NIBAN1: variants seen among roughly 807,000 people sequenced by gnomAD.
NIBAN1 encodes the protein protein Niban 1.
A neutral mutation model predicts 75.1 loss-of-function variants in NIBAN1; 81 were observed. The ratio of observed to expected loss-of-function variants is 1.08; its 90% CI spans 0.90 to 1.30. The LOEUF (loss-of-function observed/expected upper bound fraction) is 1.30, where lower values mean the gene tolerates loss of function less well. NIBAN1 is among the 50% of genes most tolerant of loss of function. The pLI, the probability that NIBAN1 is intolerant of heterozygous loss-of-function variation, is 0.00. For synonymous variants in NIBAN1, 436 were observed against 424.8 expected (o/e 1.03, Z -0.32); for missense variants, 1,133 against 1,128.1 (o/e 1.00, Z -0.06).
intron 1 of NIBAN1, among the ~76,000 whole-genome samples, chr1:184,968,481 C>T (rs1309611807): frequency 6.6e-6 from 1 of 152,138 alleles, no homozygotes; most frequent in Non-Finnish European, 1.5e-5. Flanking sequence ...TGCATTTGTG[C>T]ACTATTCATA....
chr1:184,869,644 C>T (rs1239102479), intron 5 of NIBAN1, among the ~76,000 whole-genome samples: 3 of 151,818 alleles, frequency 2.0e-5, no homozygotes, highest in South Asian at 2.1e-4. Flanking sequence ...CATGTTCAAG[C>T]GATTCTCCTG....
intron 1 of NIBAN1, among the ~76,000 whole-genome samples, chr1:184,950,651 A>G (rs1469604789): frequency 6.6e-6 from 1 of 152,204 alleles, no homozygotes; most frequent in Non-Finnish European, 1.5e-5. Flanking sequence ...GAAAAACTTC[A>G]CTTGCTCAGT....
intron 1 of NIBAN1, among the ~76,000 whole-genome samples, chr1:184,899,807 C>CTTTTT (rs66802117): frequency 1.5e-4 from 15 of 100,346 alleles, no homozygotes; most frequent in East Asian, 6.3e-4. Flanking sequence ...ACATCACTCT[C>CTTTTT]TTTTTTTTTT....
intron 2 of NIBAN1, among the ~76,000 whole-genome samples, chr1:184,896,736 G>A (rs1656810709): frequency 6.6e-6 from 1 of 151,968 alleles, no homozygotes; most frequent in East Asian, 1.9e-4. Context: ...GAGAGATAGG[G>A]GTCCAGTTTC....
At chr1:184,947,674 G>A (rs1658264819) in intron 1 of NIBAN1, among the ~76,000 whole-genome samples, 1 of 152,212 alleles carries the variant, frequency 6.6e-6, no homozygotes, top group African/African-American at 2.4e-5. Flanking sequence ...AGGGGCCAGA[G>A]GCCAGAGAGA....
intron 6 of NIBAN1, among the ~76,000 whole-genome samples, chr1:184,824,582 A>G (rs1654794120): frequency 6.6e-6 from 1 of 152,218 alleles, no homozygotes; most frequent in African/African-American, 2.4e-5. Context: ...GAAAATGGAG[A>G]TGCCAGAACA....
In NIBAN1 at chr1:184,791,222, C is replaced by T. The variant is rs1279345834; in HGVS notation, c.*3755G>A. 5 of 328,246 alleles carry T rather than the reference C, an allele frequency of 1.5e-5. No individual in the cohort carries two copies. Among genetic ancestry groups the T allele is most frequent in the Non-Finnish European group, 3.0e-5 (5 of 166,258 alleles). 20.3% of individuals were successfully genotyped at this position (328,246 alleles called of 1,614,324 possible). A position where few individuals can be genotyped will look rare whatever the true frequency, so the allele number is the denominator to read the frequency against. ...GTCTCTTTATGGTAAAGTGTGAAGG[C>T]ACATGTTGCCAACTGTTGCACCGAC... On this transcript the variant is annotated 3_prime_UTR_variant, in exon 14 of 14. Transcript: ENST00000367511.
rs375874645 is a variant in NIBAN1, at chr1:184,881,101, GCA to G, written c.601+3530_601+3531del. 2.3e-3 allele frequency among the ~76,000 whole-genome samples: 331 copies of G among 146,602 alleles called. 1 individual carries two copies. Among genetic ancestry groups the G allele is most frequent in the South Asian group, 0.018 (85 of 4,630 alleles). On this transcript the variant is annotated intron_variant, in intron 5 of 13. Coordinates refer to ENST00000367511, the MANE Select transcript of NIBAN1 (RefSeq NM_052966.4). ...CCCATGAAAGTGCACATGTGAGCAT[GCA>G]CACACACACACACACACACACACAA...
chr1:184,804,327 G>C (rs747655728), intron 11 of NIBAN1, among the ~76,000 whole-genome samples: 2 of 152,160 alleles, frequency 1.3e-5, no homozygotes, highest in Non-Finnish European at 2.9e-5. Flanking sequence ...AAGAGATGAA[G>C]GTGTTTATAC....
chr1:184,949,080 C>T (rs999091322), intron 1 of NIBAN1, among the ~76,000 whole-genome samples: 3 of 152,004 alleles, frequency 2.0e-5, no homozygotes, highest in African/African-American at 7.3e-5. Flanking sequence ...GAGAGATTTT[C>T]TTTTCTTTGA....
chr1:184,852,259 A>G (rs1370401043), intron 5 of NIBAN1, among the ~76,000 whole-genome samples: 1 of 152,192 alleles, frequency 6.6e-6, no homozygotes, highest in East Asian at 1.9e-4. Context: ...GAAAATCCTT[A>G]CAGCCTGGAA....
intron 1 of NIBAN1, among the ~76,000 whole-genome samples, chr1:184,923,159 T>A (rs1657603585): frequency 6.6e-6 from 1 of 152,110 alleles, no homozygotes; most frequent in South Asian, 2.1e-4. Flanking sequence ...TCCTAGAGAG[T>A]TTCCCTAATG....
rs1345126088 is a variant in NIBAN1 at position 184,811,580 on chromosome 1, T to C, written c.1174-3345A>G. Among the ~76,000 whole-genome samples the C allele has an allele frequency of 5.3e-5, 8 of 150,582 alleles. 1 individual carries two copies. Among genetic ancestry groups the C allele is most frequent in the Admixed American group, 3.3e-4 (5 of 15,064 alleles). ...GAGTGCAGGCGCGATCTTGGCTCACTGAAAGTTCCACCTCCTGGGTTCATG... is the reference window on the plus strand; with the variant it reads ...GAGTGCAGGCGCGATCTTGGCTCACCGAAAGTTCCACCTCCTGGGTTCATG... On this transcript the variant is annotated intron_variant, in intron 9 of 13. Transcript: ENST00000367511.
chr1:184,876,556 C>T (rs1188872333), intron 5 of NIBAN1, among the ~76,000 whole-genome samples: 2 of 151,662 alleles, frequency 1.3e-5, no homozygotes, highest in African/African-American at 4.8e-5. Flanking sequence ...AAAAAATTAC[C>T]CAGGTGTGGT....
intron 5 of NIBAN1, among the ~76,000 whole-genome samples, chr1:184,840,222 A>G (rs2102249618): frequency 6.6e-6 from 1 of 152,366 alleles, no homozygotes; most frequent in East Asian, 1.9e-4. Flanking sequence ...TCTTACGAGA[A>G]CCAGCCCCAT....
intron 5 of NIBAN1, among the ~76,000 whole-genome samples, chr1:184,853,104 C>T (rs1655588112): frequency 6.6e-6 from 1 of 152,164 alleles, no homozygotes. Flanking sequence ...TGAAATATTA[C>T]ATCATTAACT....
chr1:184,884,114 C>A (rs1656447273), intron 5 of NIBAN1, among the ~76,000 whole-genome samples: 1 of 152,130 alleles, frequency 6.6e-6, no homozygotes, highest in Admixed American at 6.5e-5. Flanking sequence ...CGGGGCCTCC[C>A]AGGCCTGCCT....
chr1:184,834,712 T>TC (rs1352311543), intron 5 of NIBAN1, among the ~76,000 whole-genome samples: 1 of 152,220 alleles, frequency 6.6e-6, no homozygotes, highest in Non-Finnish European at 1.5e-5. Context: ...TTGTTTTTTT[T>TC]CTTGTAAATT....
chr1:184,793,671 C>T lies in NIBAN1; in HGVS notation c.*1306G>A, dbSNP rs1356600801. 6.6e-6 allele frequency: 1 copy of T among 152,208 alleles called. No individual in the cohort carries two copies. Among genetic ancestry groups the T allele is most frequent in the Admixed American group, 6.5e-5 (1 of 15,278 alleles). 9.4% of individuals were successfully genotyped at this position (152,208 alleles called of 1,614,324 possible). On this transcript the variant is annotated 3_prime_UTR_variant, in exon 14 of 14. Coordinates refer to ENST00000367511, the MANE Select transcript of NIBAN1 (RefSeq NM_052966.4). Reference sequence around the variant, plus strand: ...TTTTCTGAAGGAGAAAAGAACAACTCCTTTTAATCTTTTGGAAGCAAGTCT... The same window carrying T: ...TTTTCTGAAGGAGAAAAGAACAACTTCTTTTAATCTTTTGGAAGCAAGTCT...
Sources: gnomAD v4.1 joint callset for allele counts (sites outside exome capture counted in the v4.1 genomes callset) on GRCh38, gnomAD v4.1.1 for gene constraint, MANE v1.5 for transcripts, NCBI Gene and HGNC (gene_info 2026-07-23, HGNC 2026-07-21) for gene names.